Variants in LRRC56 observed in about 807,000 individuals in gnomAD.
LRRC56 encodes leucine rich repeat containing 56.
LRRC56 carries 41 observed loss-of-function variants against 47.8 expected under a neutral mutation model. That is an observed-to-expected ratio of 0.86 (90% CI 0.67 to 1.11). The LOEUF is 1.11. LRRC56 is among the 50% of genes most tolerant of loss of function. The pLI is 0.00. For synonymous variants in LRRC56, 387 were observed against 311.2 expected (o/e 1.24, Z -2.56); for missense variants, 759 against 704.2 (o/e 1.08, Z -0.88).
At chr11:533,481 T>C (rs372048612), upstream of LRRC56, 4 of 1,613,504 alleles carry the variant, frequency 2.5e-6, no homozygotes, top group East Asian at 2.2e-5. Flanking sequence ...GGTCTCGATG[T>C]AGGGGATGCC....
At chr11:514,133 A>G in the LRRC56 span, among the ~76,000 whole-genome samples, 1 of 151,968 alleles carries the variant, frequency 6.6e-6, no homozygotes, top group Admixed American at 6.6e-5. Context: ...CTGGGACTAC[A>G]AGCACGCACC....
the LRRC56 span, among the ~76,000 whole-genome samples, chr11:509,839 A>G: frequency 6.7e-6 from 1 of 148,898 alleles, no homozygotes; most frequent in South Asian, 2.1e-4. Flanking sequence ...CCTGGCCTTC[A>G]TTTTTATTTT....
chr11:528,624 C>T, the LRRC56 span: 49 of 152,318 alleles, frequency 3.2e-4, no homozygotes, highest in African/African-American at 1.1e-3. Flanking sequence ...TGGAGAGGGC[C>T]GAGTGTGGTG....
chr11:552,776 C>T, intron 13 of LRRC56, 74 bp downstream of exon 13: 1 of 1,299,164 alleles, frequency 7.7e-7, no homozygotes. Flanking sequence ...GGGCCCTTAC[C>T]CCAGATCAGA....
At chr11:552,979 T>C (rs1458640810) in intron 13 of LRRC56, among the ~76,000 whole-genome samples, 1 of 152,118 alleles carries the variant, frequency 6.6e-6, no homozygotes, top group Non-Finnish European at 1.5e-5. Flanking sequence ...AAAGGGGGTA[T>C]GAACAGAGTC....
chr11:545,603 A>G (rs1242791384), intron 6 of LRRC56, among the ~76,000 whole-genome samples: 3 of 152,140 alleles, frequency 2.0e-5, no homozygotes, highest in East Asian at 3.9e-4. Flanking sequence ...CTGTGTACAG[A>G]ACCCGGACCA....
the LRRC56 span, among the ~76,000 whole-genome samples, chr11:517,072 G>T: frequency 6.6e-6 from 1 of 152,178 alleles, no homozygotes; most frequent in Non-Finnish European, 1.5e-5. Context: ...CTGGTCTCCG[G>T]CTCCTGACCT....
upstream of LRRC56, chr11:533,975 C>G (rs1851291048): frequency 1.2e-6 from 2 of 1,603,962 alleles, no homozygotes; most frequent in South Asian, 2.2e-5. Flanking sequence ...GGGACCCCCT[C>G]AGGACCTTCC....
the LRRC56 span, among the ~76,000 whole-genome samples, chr11:524,492 A>G: frequency 5.9e-5 from 9 of 152,044 alleles, no homozygotes; most frequent in African/African-American, 1.9e-4. Context: ...TTAGTCAGGC[A>G]TGGTCGCAGG....
chr11:520,322 T>C, the LRRC56 span, among the ~76,000 whole-genome samples: 9 of 152,046 alleles, frequency 5.9e-5, no homozygotes, highest in South Asian at 1.9e-3. Flanking sequence ...TGAGCTTTAT[T>C]ACTGATTTTT....
At position 554,555 on chromosome 11, in the gene LRRC56, G is replaced by A; in HGVS notation, c.*279G>A. On this transcript the variant is annotated 3_prime_UTR_variant, in exon 14 of 14. Coordinates refer to ENST00000270115, the MANE Select transcript of LRRC56 (RefSeq NM_198075.4). ...GCCAGGCTTTCCCGCGGGCACGGGG[G>A]TGGGGGGTGGTCACCCGAGCAGGCC... 2.4e-6 allele frequency: 1 copy of A among 416,048 alleles called. No homozygotes were observed. The highest frequency in any genetic ancestry group is 4.3e-6 in the Non-Finnish European group (1 of 235,200). 25.8% of individuals were successfully genotyped at this position (416,048 alleles called of 1,614,324 possible).
At chr11:538,147 A>G (rs551783766) in intron 1 of LRRC56, among the ~76,000 whole-genome samples, 9 of 152,134 alleles carry the variant, frequency 5.9e-5, no homozygotes, top group South Asian at 2.1e-4. Flanking sequence ...TGGGAGTTCA[A>G]TGGGGTCTTT....
chr11:549,283 GAA>G (rs1852247908), intron 6 of LRRC56, among the ~76,000 whole-genome samples: 1 of 152,226 alleles, frequency 6.6e-6, no homozygotes, highest in East Asian at 1.9e-4. Context: ...TAGCAGCGCT[GAA>G]GGGACGGCCT....
At chr11:546,131 A>G (rs970013316) in intron 6 of LRRC56, among the ~76,000 whole-genome samples, 43 of 152,144 alleles carry the variant, frequency 2.8e-4, no homozygotes, top group Non-Finnish European at 5.4e-4. Flanking sequence ...TTAGCCGTGC[A>G]TGGTGGCACA....
At chr11:552,872 A>G in intron 13 of LRRC56, among the ~76,000 whole-genome samples, 170 bp downstream of exon 13, 1 of 152,124 alleles carries the variant, frequency 6.6e-6, no homozygotes, top group East Asian at 1.9e-4. Flanking sequence ...GGGGCTCACG[A>G]CCAAGGGAGG....
At chr11:507,447 C>CAGTAGG in the LRRC56 span, 2 of 150,194 alleles carry the variant, frequency 1.3e-5, no homozygotes, top group African/African-American at 5.0e-5. Flanking sequence ...GTGGTCTCCC[C>CAGTAGG]CAGTAGGCGG....
At chr11:551,458 C>T (rs1852384421) in intron 9 of LRRC56, among the ~76,000 whole-genome samples, 156 bp downstream of exon 9, 1 of 152,248 alleles carries the variant, frequency 6.6e-6, no homozygotes, top group Admixed American at 6.5e-5. Flanking sequence ...GGCCCCAGGC[C>T]AGGACACTGT....
At chr11:544,845 A>T in intron 6 of LRRC56, 65 bp downstream of exon 6, 109 of 780,286 alleles carry the variant, frequency 1.4e-4, no homozygotes, top group Non-Finnish European at 1.8e-4. Flanking sequence ...CAGGCCCTGC[A>T]GGGATGGGGG....
At chr11:511,279 C>T in the LRRC56 span, among the ~76,000 whole-genome samples, 1 of 151,036 alleles carries the variant, frequency 6.6e-6, no homozygotes, top group Middle Eastern at 3.4e-3. Flanking sequence ...CAAGATCGCG[C>T]CACTGCACTC....
Sources: gnomAD v4.1 joint callset for allele counts (sites outside exome capture counted in the v4.1 genomes callset) on GRCh38, gnomAD v4.1.1 for gene constraint, MANE v1.5 for transcripts, NCBI Gene and HGNC (gene_info 2026-07-23, HGNC 2026-07-21) for gene names.